Variants in CHTF8 observed in about 807,000 individuals in gnomAD.
The protein encoded by CHTF8 is chromosome transmission fidelity factor 8, also known as chromosome transmission fidelity protein 8 homolog.
In CHTF8, 6 loss-of-function variants were observed where a neutral mutation model predicts 11.0. The observed-to-expected ratio is 0.55, with a 90% CI of 0.30 to 1.08. The LOEUF is 1.08. Ranked by LOEUF, CHTF8 falls within the 50% of genes least tolerant of loss-of-function variation. CHTF8 has a pLI of 0.07. For missense variants in CHTF8, 140 were observed against 153.1 expected (o/e 0.91, Z 0.45); for synonymous variants, 53 against 60.5 (o/e 0.88, Z 0.57).
intron 1 of CHTF8, among the ~76,000 whole-genome samples, chr16:69,128,986 C>T (rs975871522): frequency 6.6e-6 from 1 of 152,002 alleles, no homozygotes; most frequent in Non-Finnish European, 1.5e-5. Flanking sequence ...ATCGCTTGAT[C>T]CTGGGAGGCG....
At chr16:69,128,272 T>C (rs898273631) in intron 1 of CHTF8, among the ~76,000 whole-genome samples, 1 of 152,200 alleles carries the variant, frequency 6.6e-6, no homozygotes, top group African/African-American at 2.4e-5. Flanking sequence ...ATGTCTTTCG[T>C]TAGGAACAAT....
At chr16:69,128,439 C>T (rs575741476) in intron 1 of CHTF8, among the ~76,000 whole-genome samples, 1 of 152,274 alleles carries the variant, frequency 6.6e-6, no homozygotes, top group South Asian at 2.1e-4. Flanking sequence ...ATAAAGAAAA[C>T]CAAACCTTTC....
chr16:69,124,147 C>A (rs1372850972), intron 1 of CHTF8, among the ~76,000 whole-genome samples: 1 of 151,574 alleles, frequency 6.6e-6, no homozygotes, highest in East Asian at 1.9e-4. Flanking sequence ...TCATTTTATA[C>A]AACAGCAGCA....
chr16:69,126,655 A>G (rs1261854604), intron 1 of CHTF8, among the ~76,000 whole-genome samples: 1 of 152,226 alleles, frequency 6.6e-6, no homozygotes, highest in Non-Finnish European at 1.5e-5. Context: ...AGTTTAGTTC[A>G]CAGGAACTTA....
rs1199176109 is a variant in CHTF8 at position 69,121,466 on chromosome 16, C to T, written c.-8G>A. ...AATAACAATTTGCACCATGAGCTTTCTGTCTTTAAAAAGCAAGTGAAAACA... is the reference window on the plus strand; with the variant it reads ...AATAACAATTTGCACCATGAGCTTTTTGTCTTTAAAAAGCAAGTGAAAACA... On this transcript the variant is annotated 5_prime_UTR_variant, in exon 2 of 4. Coordinates refer to ENST00000448552, the MANE Select transcript of CHTF8 (RefSeq NM_001039690.5). 27 of 1,598,912 alleles carry T rather than the reference C, an allele frequency of 1.7e-5. No individual in the cohort carries two copies. Among genetic ancestry groups the T allele is most frequent in the Non-Finnish European group, 2.3e-5 (27 of 1,175,970 alleles).
At chr16:69,123,387 G>A (rs1376968872) in intron 1 of CHTF8, among the ~76,000 whole-genome samples, 1 of 152,192 alleles carries the variant, frequency 6.6e-6, no homozygotes, top group Non-Finnish European at 1.5e-5. Flanking sequence ...GCCAGGCGCG[G>A]TGTCTCAGGC....
chr16:69,129,668 A>G (rs1962353757), intron 1 of CHTF8, among the ~76,000 whole-genome samples: 1 of 152,192 alleles, frequency 6.6e-6, no homozygotes, highest in Admixed American at 6.5e-5. Context: ...GAGAGCTGGG[A>G]TATGAACCCT....
At position 69,119,146 on chromosome 16, in the gene CHTF8, G is replaced by T; in HGVS notation, c.*1279C>A. ...AGGGCCTAATGGGCCAGTAGACCTT[G>T]GGAAGGTAGTTGGACTTGGACCCTG... On this transcript the variant is annotated 3_prime_UTR_variant, in exon 4 of 4. Coordinates refer to ENST00000448552, the MANE Select transcript of CHTF8 (RefSeq NM_001039690.5). 1.4e-6 allele frequency: 1 copy of T among 703,012 alleles called. No homozygotes were observed. The highest frequency in any genetic ancestry group is 1.5e-5 in the South Asian group (1 of 67,530). 43.5% of individuals were successfully genotyped at this position (703,012 alleles called of 1,614,324 possible).
chr16:69,118,049 A>C lies in CHTF8; in HGVS notation c.*2376T>G. The C allele has an allele frequency of 2.3e-6, 1 of 440,606 alleles. No individual in the cohort carries two copies. The highest frequency in any genetic ancestry group is 2.8e-5 in the South Asian group (1 of 35,796). The allele number at this position is 440,606 out of a possible 1,614,324, so 27.3% of individuals were successfully genotyped here. On this transcript the variant is annotated 3_prime_UTR_variant, in exon 4 of 4. Transcript: ENST00000448552. ...TTTATTAAAGAAACAGTAAGAAAAG[A>C]TACAATGCAGGAAAACCACCAACCA...
intron 1 of CHTF8, among the ~76,000 whole-genome samples, chr16:69,123,480 A>C (rs1232501956): frequency 3.3e-5 from 5 of 152,090 alleles, no homozygotes; most frequent in Non-Finnish European, 7.4e-5. Flanking sequence ...AACACGGTGA[A>C]ACCCAGTCTC....
At position 69,123,448 on chromosome 16, in the gene CHTF8, G is replaced by A. The variant is rs1486509674; in HGVS notation, c.-35-1955C>T. 5.3e-5 allele frequency among the ~76,000 whole-genome samples: 8 copies of A among 152,086 alleles called. No individual in the cohort carries two copies. In the South Asian group the frequency reaches 1.5e-3, roughly 28 times the overall value. Reference sequence around the variant, plus strand: ...TGAGGCGGTGGGTCACTTGATGTCAGGAGTTCGAGACCACCCTGGCCAACA... The same window carrying A: ...TGAGGCGGTGGGTCACTTGATGTCAAGAGTTCGAGACCACCCTGGCCAACA... On this transcript the variant is annotated intron_variant, in intron 1 of 3. Coordinates refer to ENST00000448552, the MANE Select transcript of CHTF8 (RefSeq NM_001039690.5).
intron 1 of CHTF8, among the ~76,000 whole-genome samples, chr16:69,129,890 G>A (rs1962370685): frequency 6.6e-6 from 1 of 152,196 alleles, no homozygotes; most frequent in African/African-American, 2.4e-5. Context: ...CAAAGAAGCA[G>A]CTTGCTTTTT....
rs867105113 is a variant in CHTF8 at position 69,132,319 on chromosome 16, C to T, written c.-36+165G>A. 1.5e-3 allele frequency among the ~76,000 whole-genome samples: 218 copies of T among 147,366 alleles called. 1 individual carries two copies. Among genetic ancestry groups the T allele is most frequent in the Middle Eastern group, 0.014 (4 of 282 alleles). On this transcript the variant is annotated intron_variant, in intron 1 of 3. Transcript: ENST00000448552. The stretch of plus-strand genomic sequence containing the variant: ...GCCCTCCCCCTTCCCGGCCACCCCT[C>T]CCCCGCCCGCGCTCCCCGCCCCTCG...
chr16:69,122,365 CTTTT>C (rs869246617), intron 1 of CHTF8, among the ~76,000 whole-genome samples: 7 of 140,430 alleles, frequency 5.0e-5, no homozygotes, highest in South Asian at 2.2e-4. Flanking sequence ...TAAGGATATT[CTTTT>C]TTTTTTTTTT....
chr16:69,124,850 T>C (rs1020526753), intron 1 of CHTF8, among the ~76,000 whole-genome samples: 1 of 152,168 alleles, frequency 6.6e-6, no homozygotes, highest in African/African-American at 2.4e-5. Context: ...TGCAGCCTTA[T>C]AGTATGACTC....
At chr16:69,121,401 T>C in intron 2 of CHTF8, 35 bp downstream of exon 2, 1 of 1,586,172 alleles carries the variant, frequency 6.3e-7, no homozygotes, top group Non-Finnish European at 8.6e-7. Flanking sequence ...CCTCATCATT[T>C]CAAGCCAAAT....
intron 1 of CHTF8, among the ~76,000 whole-genome samples, chr16:69,127,176 T>C (rs1215241606): frequency 1.3e-5 from 2 of 150,550 alleles, no homozygotes; most frequent in African/African-American, 4.9e-5. Context: ...AGGCGGAGGC[T>C]GCAGTGAGCT....
rs1301781084 is a variant in CHTF8, at chr16:69,118,670, A to G, written c.*1755T>C. ...ATTATTCCCACCTGCCACAGTTCAC[A>G]TGCCACAAATAACATCTCACCTTCA... On this transcript the variant is annotated 3_prime_UTR_variant, in exon 4 of 4. Transcript: ENST00000448552. 1.0e-5 allele frequency: 7 copies of G among 683,514 alleles called. No individual in the cohort carries two copies. Among genetic ancestry groups the G allele is most frequent in the Non-Finnish European group, 1.9e-5 (7 of 375,424 alleles). 42.3% of individuals were successfully genotyped at this position (683,514 alleles called of 1,614,324 possible). A position where few individuals can be genotyped will look rare whatever the true frequency, so the allele number is the denominator to read the frequency against.
Position 69,120,496 on chromosome 16 carries a change from G to C in CHTF8, c.295C>G (p.Leu99Val), listed in dbSNP as rs1961566223. ...ETGTRYLVTA[L>V]IKDKILFKTR... ...TTGAAAAGGATCTTGTCTTTGATGAGTGCTGTCACCAGGTACCGGGTGCCA... is the reference window on the plus strand; with the variant it reads ...TTGAAAAGGATCTTGTCTTTGATGACTGCTGTCACCAGGTACCGGGTGCCA... The change falls in exon 4 of 4, where the codon CTC becomes GTC. Residue 99 changes from leucine to valine, a missense_variant. Coordinates refer to ENST00000448552, the MANE Select transcript of CHTF8 (RefSeq NM_001039690.5). The surrounding 1 kb of genome is among the most constrained non-coding windows in gnomAD (Gnocchi z 4.0). 1 of 1,614,118 alleles carries C rather than the reference G, an allele frequency of 6.2e-7. No individual in the cohort carries two copies. The highest frequency in any genetic ancestry group is 8.5e-7 in the Non-Finnish European group (1 of 1,180,018).
Sources: allele counts gnomAD v4.1 joint callset (sites outside exome capture counted in the v4.1 genomes callset), GRCh38; gene constraint gnomAD v4.1.1; non-coding constraint Gnocchi (gnomAD v3.1); transcripts MANE v1.5; gene names NCBI Gene and HGNC (gene_info 2026-07-23, HGNC 2026-07-21).